Variants in PITPNM3 observed in about 807,000 individuals in gnomAD.
PITPNM3 encodes the protein PITPNM family member 3, also known as membrane-associated phosphatidylinositol transfer protein 3.
Under a neutral mutation model 102.0 loss-of-function variants are expected in PITPNM3, and 26 were observed. That is an observed-to-expected ratio of 0.25 (90% CI 0.19 to 0.35). The LOEUF is 0.35. Among genes scored for constraint, PITPNM3 ranks in the 10% least tolerant of loss-of-function variants. PITPNM3 has a pLI of 1.00. For synonymous variants in PITPNM3, 578 were observed against 558.6 expected (o/e 1.03, Z -0.49); for missense variants, 1,083 against 1,346.1 (o/e 0.80, Z 3.06).
intron 3 of PITPNM3, among the ~76,000 whole-genome samples, chr17:6,525,082 C>G (rs1458731035): frequency 6.6e-6 from 1 of 152,178 alleles, no homozygotes; most frequent in African/African-American, 2.4e-5. Flanking sequence ...ACCCAGGCAC[C>G]TGCCATTAAC....
chr17:6,465,444 T>G (rs191200277), intron 14 of PITPNM3, among the ~76,000 whole-genome samples: 307 of 152,342 alleles, frequency 2.0e-3, no homozygotes, highest in African/African-American at 5.3e-3. Flanking sequence ...CCTGGTCACT[T>G]TTGGTTCTTT....
chr17:6,548,438 C>A (rs1910142425), intron 1 of PITPNM3, among the ~76,000 whole-genome samples: 1 of 152,140 alleles, frequency 6.6e-6, no homozygotes, highest in South Asian at 2.1e-4. Context: ...CTCTTTTTAC[C>A]ACAAGGGATG....
intron 4 of PITPNM3, among the ~76,000 whole-genome samples, chr17:6,496,803 C>T (rs918859415): frequency 2.6e-5 from 4 of 152,238 alleles, no homozygotes; most frequent in South Asian, 2.1e-4. Context: ...GGAAGCTGCA[C>T]GTGCCCCAGC....
At chr17:6,460,014 T>C (rs1468276025) in intron 18 of PITPNM3, among the ~76,000 whole-genome samples, 1 of 152,112 alleles carries the variant, frequency 6.6e-6, no homozygotes, top group Non-Finnish European at 1.5e-5. Flanking sequence ...GGGATCTTTC[T>C]ATAAGCCAAA....
At chr17:6,455,697 G>T in intron 19 of PITPNM3, 54 bp from the exon 20 acceptor site, 1 of 831,258 alleles carries the variant, frequency 1.2e-6, no homozygotes, top group Non-Finnish European at 1.7e-6. Flanking sequence ...CAGCGCAGGG[G>T]GAAGAAGGGA....
At chr17:6,491,956 T>C (rs1274504998) in intron 4 of PITPNM3, among the ~76,000 whole-genome samples, 1 of 151,394 alleles carries the variant, frequency 6.6e-6, no homozygotes, top group Non-Finnish European at 1.5e-5. Context: ...TCTACTTTCA[T>C]CTATTTTCCA....
chr17:6,465,889 C>T (rs559367570), intron 14 of PITPNM3, among the ~76,000 whole-genome samples: 3 of 152,326 alleles, frequency 2.0e-5, no homozygotes, highest in Admixed American at 1.3e-4. Flanking sequence ...ACAGCCACAT[C>T]GCCTGGATGC....
intron 1 of PITPNM3, among the ~76,000 whole-genome samples, chr17:6,547,489 C>G (rs1369215911): frequency 6.6e-6 from 1 of 152,154 alleles, no homozygotes; most frequent in Non-Finnish European, 1.5e-5. Context: ...AGGAGGCTCT[C>G]TCCTCCCTCT....
intron 4 of PITPNM3, among the ~76,000 whole-genome samples, chr17:6,485,825 G>A (rs899763407): frequency 1.3e-5 from 2 of 152,166 alleles, no homozygotes; most frequent in Admixed American, 6.5e-5. Context: ...CACAGCCATG[G>A]ACCAAATCTG....
intron 4 of PITPNM3, among the ~76,000 whole-genome samples, chr17:6,502,596 C>T (rs904772741): frequency 4.6e-5 from 7 of 152,210 alleles, no homozygotes; most frequent in Admixed American, 4.6e-4. Flanking sequence ...GCTTGCAGAG[C>T]AGCCACAGGC....
rs560369662 is a variant in PITPNM3 at position 6,451,903 on chromosome 17, G to C, written c.*3435C>G. 9.6e-6 allele frequency: 1 copy of C among 104,040 alleles called. No individual in the cohort carries two copies. The allele number at this position is 104,040 out of a possible 1,614,324, so 6.4% of individuals were successfully genotyped here. A position where few individuals can be genotyped will look rare whatever the true frequency, so the allele number is the denominator to read the frequency against. ...CCCCCCCCGCCCGCCGATGGGATTC[G>C]GTGGGAAAGTTGGTTGTTTAAGGCG... is the stretch of plus-strand genomic sequence containing the variant. On this transcript the variant is annotated 3_prime_UTR_variant, in exon 20 of 20. Transcript: ENST00000262483.
rs573050179 is a variant in PITPNM3 at position 6,509,771 on chromosome 17, G to A, written c.227-6197C>T. ...GCGTAAGCCCCTGCACTCATTCCCCGGCCCCTCCTGTTCTCCTCCACATTG... is the reference window on the plus strand; with the variant it reads ...GCGTAAGCCCCTGCACTCATTCCCCAGCCCCTCCTGTTCTCCTCCACATTG... On this transcript the variant is annotated intron_variant, in intron 3 of 19. Coordinates refer to ENST00000262483, the MANE Select transcript of PITPNM3 (RefSeq NM_031220.4). Among the ~76,000 whole-genome samples, 28 of 152,108 alleles carry A rather than the reference G, an allele frequency of 1.8e-4. 1 individual carries two copies. Among genetic ancestry groups the A allele is most frequent in the African/African-American group, 6.3e-4 (26 of 41,488 alleles).
At chr17:6,487,936 C>T (rs1197927939) in intron 4 of PITPNM3, among the ~76,000 whole-genome samples, 1 of 152,172 alleles carries the variant, frequency 6.6e-6, no homozygotes, top group Non-Finnish European at 1.5e-5. Flanking sequence ...ACCTCCTACG[C>T]TGTTTGGGGA....
At chr17:6,481,424 G>C (rs1905664800) in intron 6 of PITPNM3, 1 of 152,636 alleles carries the variant, frequency 6.6e-6, no homozygotes, top group Admixed American at 6.5e-5. Context: ...TCTGGACACT[G>C]TGTTGAGTGC....
rs1453099110 is a variant in PITPNM3, at chr17:6,470,470, C to T, written c.1625-62G>A. ...GCCCGGGGCCTCACCCGAGGGGCAG[C>T]GGGGTCTCCCATTGCACAGACTGGT... On this transcript the variant is annotated intron_variant, in intron 12 of 19. Coordinates refer to ENST00000262483, the MANE Select transcript of PITPNM3 (RefSeq NM_031220.4). This position sits in a 1 kb window ranked among gnomAD's most constrained non-coding sequence, Gnocchi z 4.8. The T allele has an allele frequency of 5.6e-6, 9 of 1,608,074 alleles. No homozygotes were observed. The highest frequency in any genetic ancestry group is 1.1e-5 in the South Asian group (1 of 90,842).
intron 4 of PITPNM3, among the ~76,000 whole-genome samples, chr17:6,492,815 C>A: frequency 6.6e-6 from 1 of 152,030 alleles, no homozygotes; most frequent in East Asian, 1.9e-4. Context: ...AGAGATCCTG[C>A]TGTTGCACTC....
In PITPNM3 at chr17:6,464,395, A is replaced by T. The variant is rs1471832797; in HGVS notation, c.2008-77T>A. The T allele has an allele frequency of 3.4e-6, 5 of 1,472,062 alleles. No homozygotes were observed. The South Asian group carries it at 3.4e-5, about 10-fold the overall frequency. The allele number at this position is 1,472,062 out of a possible 1,614,324, so 91.2% of individuals were successfully genotyped here. ...CTTGGCAGAGGGGCTGGGCGGGGGAACTCTGGGCTGAGGTCCCTGCCTGAC... is the reference window on the plus strand; with the variant it reads ...CTTGGCAGAGGGGCTGGGCGGGGGATCTCTGGGCTGAGGTCCCTGCCTGAC... On this transcript the variant is annotated intron_variant, in intron 15 of 19. Coordinates refer to ENST00000262483, the MANE Select transcript of PITPNM3 (RefSeq NM_031220.4).
At chr17:6,463,652 A>C in intron 17 of PITPNM3, 80 bp downstream of exon 17, 1 of 1,540,034 alleles carries the variant, frequency 6.5e-7, no homozygotes, top group Non-Finnish European at 8.8e-7. Flanking sequence ...ACAGCAAATC[A>C]GAAAAACAAC....
chr17:6,469,695 C>A lies in PITPNM3; in HGVS notation c.1773+565G>T, dbSNP rs1174629437. On this transcript the variant is annotated intron_variant, in intron 13 of 19. Transcript: ENST00000262483. This position sits in a 1 kb window ranked among gnomAD's most constrained non-coding sequence, Gnocchi z 4.0. ...AGAGGCCTCATGGTTCCTCTCCTGC[C>A]GTGAAAACAGCAGCCTCAGCCTCAG... 1.3e-5 allele frequency among the ~76,000 whole-genome samples: 2 copies of A among 152,202 alleles called. No homozygotes were observed. The highest frequency in any genetic ancestry group is 2.9e-5 in the Non-Finnish European group (2 of 68,030).
Sources: gnomAD v4.1 joint callset for allele counts (sites outside exome capture counted in the v4.1 genomes callset) on GRCh38, gnomAD v4.1.1 for gene constraint, Gnocchi (gnomAD v3.1) non-coding constraint, MANE v1.5 for transcripts, NCBI Gene and HGNC (gene_info 2026-07-23, HGNC 2026-07-21) for gene names.